LARP4B: variants seen among roughly 807,000 people sequenced by gnomAD.
The protein encoded by LARP4B is la-related protein 4B.
In LARP4B, 12 loss-of-function variants were observed where a neutral mutation model predicts 89.8. The ratio of observed to expected loss-of-function variants is 0.13; its 90% CI spans 0.09 to 0.22. The LOEUF is 0.22. Among genes scored for constraint, LARP4B ranks in the 10% least tolerant of loss-of-function variants. LARP4B has a pLI of 1.00. For missense variants in LARP4B, 757 were observed against 947.7 expected (o/e 0.80, Z 2.64); for synonymous variants, 367 against 363.3 (o/e 1.01, Z -0.12).
the LARP4B span, among the ~76,000 whole-genome samples, chr10:944,676 G>A: frequency 3.1e-4 from 47 of 152,360 alleles, no homozygotes; most frequent in Non-Finnish European, 5.4e-4. Flanking sequence ...CGTTGCCCCC[G>A]CCCTGCCTTG....
At chr10:853,820 TG>T (rs1834170792) in intron 5 of LARP4B, among the ~76,000 whole-genome samples, 1 of 152,184 alleles carries the variant, frequency 6.6e-6, no homozygotes, top group African/African-American at 2.4e-5. Flanking sequence ...GCTGAAAACT[TG>T]GGTGGCTGCG....
intron 3 of LARP4B, among the ~76,000 whole-genome samples, chr10:866,387 G>C (rs1266142759): frequency 4.6e-5 from 7 of 152,156 alleles, no homozygotes; most frequent in Non-Finnish European, 8.8e-5. Context: ...TCCAACAAGT[G>C]CCTCTGACAT....
At chr10:838,327 G>A (rs140058168) in intron 7 of LARP4B, among the ~76,000 whole-genome samples, 3 of 152,272 alleles carry the variant, frequency 2.0e-5, no homozygotes, top group African/African-American at 4.8e-5. Flanking sequence ...TCAACAGGAT[G>A]AGAAGCCATT....
At chr10:916,194 GTTA>G (rs1350583866) in intron 1 of LARP4B, among the ~76,000 whole-genome samples, 1 of 151,990 alleles carries the variant, frequency 6.6e-6, no homozygotes, top group African/African-American at 2.4e-5. Context: ...CATAATTATG[GTTA>G]TTATGTTAAA....
In LARP4B at chr10:864,651, A is replaced by C. The variant is rs564389646; in HGVS notation, c.142-381T>G. 2.6e-5 allele frequency among the ~76,000 whole-genome samples: 4 copies of C among 152,308 alleles called. No individual in the cohort carries two copies. In the South Asian group the frequency reaches 6.2e-4, roughly 24 times the overall value. ...TACAAGGCAGATGAATAAAATTCTA[A>C]TTAGAAAGCTTAAACAAGTCAGCAG... On this transcript the variant is annotated intron_variant, in intron 3 of 17. Coordinates refer to ENST00000316157, the MANE Select transcript of LARP4B (RefSeq NM_015155.3).
chr10:813,954 A>G, intron 17 of LARP4B, among the ~76,000 whole-genome samples: 1 of 152,006 alleles, frequency 6.6e-6, no homozygotes, highest in East Asian at 1.9e-4. Context: ...GGTGCCCACC[A>G]CCAAACCCAG....
At chr10:953,547 A>G in the LARP4B span, among the ~76,000 whole-genome samples, 23 of 135,976 alleles carry the variant, frequency 1.7e-4, no homozygotes, top group African/African-American at 5.0e-4. Context: ...TGCATAACAG[A>G]CAACCTTTAA....
chr10:909,772 T>C (rs1259571212), intron 1 of LARP4B, among the ~76,000 whole-genome samples: 1 of 151,104 alleles, frequency 6.6e-6, no homozygotes, highest in East Asian at 1.9e-4. Flanking sequence ...GTAACAAGAA[T>C]AAAACTCCAT....
the LARP4B span, among the ~76,000 whole-genome samples, chr10:979,446 G>T: frequency 6.6e-5 from 10 of 152,142 alleles, no homozygotes; most frequent in African/African-American, 1.7e-4. Flanking sequence ...AGACTGCTCT[G>T]GTTATTAATT....
At chr10:974,453 G>A in the LARP4B span, among the ~76,000 whole-genome samples, 87 of 152,264 alleles carry the variant, frequency 5.7e-4, no homozygotes, top group African/African-American at 1.4e-3. Context: ...GGGCACCCAC[G>A]GCCTGTGTGC....
chr10:816,340 A>G (rs1433643367), intron 15 of LARP4B, among the ~76,000 whole-genome samples: 3 of 152,228 alleles, frequency 2.0e-5, no homozygotes, highest in Non-Finnish European at 4.4e-5. Context: ...CACGAGCTCC[A>G]TGTCAACAGG....
At chr10:871,284 C>T (rs571906294) in intron 3 of LARP4B, among the ~76,000 whole-genome samples, 3 of 152,144 alleles carry the variant, frequency 2.0e-5, no homozygotes, top group South Asian at 2.1e-4. Context: ...AAAATAAATG[C>T]GGAGGAAACA....
chr10:933,836 C>CT (rs879287860), upstream of LARP4B, among the ~76,000 whole-genome samples: 309 of 143,916 alleles, frequency 2.1e-3, no homozygotes, highest in Middle Eastern at 3.6e-3. Flanking sequence ...GTAGGTTAAA[C>CT]TTTTTTTTTT....
chr10:976,867 T>C, the LARP4B span, among the ~76,000 whole-genome samples: 2 of 149,774 alleles, frequency 1.3e-5, no homozygotes, highest in Non-Finnish European at 3.0e-5. Context: ...TAGTAGAAGG[T>C]AGGCCTGTTG....
chr10:885,208 C>A (rs181127653), intron 2 of LARP4B, among the ~76,000 whole-genome samples: 1 of 152,184 alleles, frequency 6.6e-6, no homozygotes, highest in African/African-American at 2.4e-5. Flanking sequence ...CAGTAACACA[C>A]AGGGATGTCA....
At chr10:863,994 G>C in intron 4 of LARP4B, 111 bp from the exon 5 acceptor site, 1 of 1,544,622 alleles carries the variant, frequency 6.5e-7, no homozygotes, top group Non-Finnish European at 8.8e-7. Flanking sequence ...AAGACCTCTG[G>C]GCTCTCAAGC....
rs941682595 is a variant in LARP4B, at chr10:885,697, C to A, written c.25G>T (p.Val9Phe). 5.0e-6 allele frequency: 8 copies of A among 1,614,026 alleles called. No homozygotes were observed. The highest frequency in any genetic ancestry group is 2.2e-5 in the East Asian group (1 of 44,902). MTSDQDAK[V>F]VAEPQTQRVQ... Reference sequence around the variant, plus strand: ...CTCTGCGTCTGCGGTTCAGCCACAACCTTAGCGTCCTGATCAGAAGTCATG... The same window carrying A: ...CTCTGCGTCTGCGGTTCAGCCACAAACTTAGCGTCCTGATCAGAAGTCATG... Residue 9 changes from valine (V) to phenylalanine (F), a missense_variant, in exon 2 of 18, where the codon GTT (valine) becomes TTT (phenylalanine). Val to Phe is a conservative substitution (Grantham distance 50, BLOSUM62 -1). Around this residue, in one of 5 missense-constraint regions of LARP4B, gnomAD observed 175 missense variants for 187.0 expected, o/e 0.94. Transcript: ENST00000316157.
chr10:954,302 T>C, the LARP4B span, among the ~76,000 whole-genome samples: 94 of 152,134 alleles, frequency 6.2e-4, no homozygotes, highest in Non-Finnish European at 1.0e-3. This position sits in a 1 kb window ranked among gnomAD's most constrained non-coding sequence, Gnocchi z 5.0. Flanking sequence ...TATGGTAGCC[T>C]GTGTCCACCA....
intron 1 of LARP4B, among the ~76,000 whole-genome samples, chr10:919,516 T>C (rs1423087623): frequency 6.6e-6 from 1 of 152,130 alleles, no homozygotes; most frequent in African/African-American, 2.4e-5. Context: ...GGGAGGGGGC[T>C]TTCAATCCTC....
Sources: gnomAD v4.1 joint callset for allele counts (sites outside exome capture counted in the v4.1 genomes callset) on GRCh38, gnomAD v4.1.1 for gene constraint, gnomAD v4.1.1 regional missense constraint, Gnocchi (gnomAD v3.1) non-coding constraint, MANE v1.5 for transcripts, NCBI Gene and HGNC (gene_info 2026-07-23, HGNC 2026-07-21) for gene names.